The following CUBN variants were observed in gnomAD, a reference collection of about 807,000 sequenced individuals.
CUBN encodes cubilin.
A neutral mutation model predicts 405.3 loss-of-function variants in CUBN; 282 were observed. That is an observed-to-expected ratio of 0.70 (90% CI 0.63 to 0.77). The LOEUF (loss-of-function observed/expected upper bound fraction) is 0.77. CUBN is among the 30% of genes least tolerant of loss of function. The pLI is 0.00. For missense variants in CUBN, 4,514 were observed against 4,475.2 expected (o/e 1.01, Z -0.25); for synonymous variants, 1,684 against 1,617.0 (o/e 1.04, Z -0.99).
At chr10:16,988,088 G>A (rs531627325) in intron 29 of CUBN, among the ~76,000 whole-genome samples, 3 of 152,324 alleles carry the variant, frequency 2.0e-5, no homozygotes, top group South Asian at 4.1e-4. Context: ...CCCCAGGCCT[G>A]CTTGTAGGGA....
chr10:16,977,538 C>T (rs1833134887), intron 31 of CUBN, among the ~76,000 whole-genome samples: 1 of 152,180 alleles, frequency 6.6e-6, no homozygotes. Flanking sequence ...GCTCCCCATC[C>T]ATCCCACTGG....
chr10:16,885,892 A>G (rs1024340331), intron 56 of CUBN, among the ~76,000 whole-genome samples: 2 of 152,260 alleles, frequency 1.3e-5, no homozygotes, highest in Non-Finnish European at 2.9e-5. Flanking sequence ...TAAAAATAAC[A>G]TAAAAGCTAT....
At chr10:16,951,076 T>C (rs1453535184) in intron 33 of CUBN, among the ~76,000 whole-genome samples, 1 of 152,250 alleles carries the variant, frequency 6.6e-6, no homozygotes, top group Non-Finnish European at 1.5e-5. Context: ...ATCTTCAGAA[T>C]AGGATCTTTT....
chr10:17,031,990 G>A (rs190338442), intron 27 of CUBN, among the ~76,000 whole-genome samples: 1 of 152,186 alleles, frequency 6.6e-6, no homozygotes. Context: ...AGCCCTTATG[G>A]AGAAGTCCAT....
intron 17 of CUBN, among the ~76,000 whole-genome samples, chr10:17,076,857 C>T (rs1835865746): frequency 6.6e-6 from 1 of 152,196 alleles, no homozygotes; most frequent in Non-Finnish European, 1.5e-5. Context: ...GGATCCAAAA[C>T]TAACCTGCTA....
At chr10:16,850,944 G>A (rs1208399982) in intron 60 of CUBN, among the ~76,000 whole-genome samples, 2 of 152,166 alleles carry the variant, frequency 1.3e-5, no homozygotes, top group Non-Finnish European at 2.9e-5. Context: ...CCAGAAAACC[G>A]ACCTTCCTAT....
chr10:16,835,700 G>A (rs1310004098), intron 63 of CUBN, among the ~76,000 whole-genome samples: 1 of 149,834 alleles, frequency 6.7e-6, no homozygotes, highest in Non-Finnish European at 1.5e-5. Flanking sequence ...TTCAAAATAA[G>A]TACTAAATAA....
At chr10:17,065,702 C>T in intron 21 of CUBN, 64 bp from the exon 22 acceptor site, 1 of 1,593,832 alleles carries the variant, frequency 6.3e-7, no homozygotes, top group Non-Finnish European at 8.6e-7. Context: ...AATGATGTAA[C>T]AAAAATTTGG....
At chr10:16,839,266 G>T (rs1387635079) in intron 62 of CUBN, among the ~76,000 whole-genome samples, 1 of 152,134 alleles carries the variant, frequency 6.6e-6, no homozygotes, top group Admixed American at 6.5e-5. Context: ...GAGAGCTCTG[G>T]ACCTGCAGGA....
chr10:16,874,054 T>C (rs1486256477), intron 58 of CUBN, among the ~76,000 whole-genome samples: 7 of 152,230 alleles, frequency 4.6e-5, no homozygotes, highest in African/African-American at 1.7e-4. Flanking sequence ...TCTCTTGCCC[T>C]TCCTCTCTCC....
At position 16,925,409 on chromosome 10, in the gene CUBN, C is replaced by T; in HGVS notation, c.6478G>A (p.Asp2160Asn). ...GGTCCCAAGGGTGGAGAACAGATAT[C>T]AGGACCATTTCTTAGCTGGAAAGAC... is the stretch of plus-strand genomic sequence containing the variant. ...GDYLVLRNGPDICSPPLGPPG... is the reference protein window; with the variant it reads ...GDYLVLRNGPNICSPPLGPPG... Residue 2160 changes from aspartate (D) to asparagine (N), a missense_variant, in exon 43 of 67, where the codon GAT (aspartate) becomes AAT (asparagine). Physicochemically the swap from Asp to Asn is conservative, Grantham distance 23. Around this residue, in one of 5 missense-constraint regions of CUBN, gnomAD observed 1,613 missense variants for 1,542.8 expected, o/e 1.05. Transcript: ENST00000377833. 1.9e-6 allele frequency: 3 copies of T among 1,613,892 alleles called. No individual in the cohort carries two copies. The highest frequency in any genetic ancestry group is 1.7e-6 in the Non-Finnish European group (2 of 1,179,858).
chr10:16,907,994 G>A (rs949556534), intron 48 of CUBN, among the ~76,000 whole-genome samples: 1 of 152,140 alleles, frequency 6.6e-6, no homozygotes, highest in Non-Finnish European at 1.5e-5. Context: ...GAGCCATTGT[G>A]CTTACAATGT....
rs763373864 is a variant in CUBN at position 16,928,293 on chromosome 10, G to A, written c.6135C>T (p.Asn2045=). The A allele has an allele frequency of 3.9e-5, 63 of 1,613,732 alleles. No individual in the cohort carries two copies. Among genetic ancestry groups the A allele is most frequent in the Non-Finnish European group, 4.9e-5 (58 of 1,179,880 alleles). The change falls in exon 41 of 67, where the codon AAC becomes AAT. Residue 2045 remains asparagine (N), a synonymous_variant. Coordinates refer to ENST00000377833, the MANE Select transcript of CUBN (RefSeq NM_001081.4). ...DSLVIRDGDN[N]LAQQLAVLCG... The stretch of plus-strand genomic sequence containing the variant: ...AGAGAACTGCTAGCTGCTGGGCCAA[G>A]TTATTATCTCCTACGTTGAAAGAAA...
Position 16,915,102 on chromosome 10 carries a change from C to G in CUBN, c.7281G>C (p.Val2427=). 1 of 1,614,024 alleles carries G rather than the reference C, an allele frequency of 6.2e-7. No homozygotes were observed. Among genetic ancestry groups the G allele is most frequent in the Non-Finnish European group, 8.5e-7 (1 of 1,179,964 alleles). ...DSIDTSSNTA[V]VRFVTDGSVT... The stretch of plus-strand genomic sequence containing the variant: ...CAGAGCCGTCTGTGACAAACCTGAC[C>G]ACAGCAGTATTGCTAGAAGTGTCTA... Residue 2427 remains valine (V), a synonymous_variant, in exon 47 of 67, where the codon GTG becomes GTC. Transcript: ENST00000377833.
At chr10:16,995,760 T>G (rs1188920725) in intron 28 of CUBN, among the ~76,000 whole-genome samples, 1 of 152,230 alleles carries the variant, frequency 6.6e-6, no homozygotes, top group Non-Finnish European at 1.5e-5. Flanking sequence ...TTCATTAAGG[T>G]GCACAAAAAT....
At chr10:16,955,583 GA>G (rs1843038855) in intron 31 of CUBN, among the ~76,000 whole-genome samples, 2 of 152,010 alleles carry the variant, frequency 1.3e-5, no homozygotes, top group African/African-American at 4.8e-5. Flanking sequence ...TCAGTGTCTG[GA>G]TGAATTTTTG....
intron 31 of CUBN, among the ~76,000 whole-genome samples, chr10:16,971,073 G>A (rs746210782): frequency 7.7e-4 from 117 of 152,178 alleles, no homozygotes; most frequent in Non-Finnish European, 1.5e-3. Flanking sequence ...AATTTTCACT[G>A]GTATTTAAAG....
At chr10:17,021,673 T>C (rs1834505657) in intron 27 of CUBN, among the ~76,000 whole-genome samples, 2 of 152,266 alleles carry the variant, frequency 1.3e-5, no homozygotes, top group Admixed American at 1.3e-4. Flanking sequence ...CATGAAATAT[T>C]GTTTGAAACA....
In CUBN at chr10:16,963,187, CTT is replaced by C. The variant is rs1189695066; in HGVS notation, c.4696-8641_4696-8640del. ...ATACATTTCTTTTTTCTTTTCTTTT[CTT>C]TTTTTTCTTTTTTTTTTTTTTTTGA... On this transcript the variant is annotated intron_variant, in intron 31 of 66. Transcript: ENST00000377833. 1.8e-3 allele frequency among the ~76,000 whole-genome samples: 148 copies of C among 84,386 alleles called. 2 individuals carry two copies. Among genetic ancestry groups the C allele is most frequent in the African/African-American group, 7.1e-3 (147 of 20,672 alleles). The allele number at this position is 84,386 out of a possible 152,430, so 55.4% of individuals were successfully genotyped here.
Sources: gnomAD v4.1 joint callset for allele counts (sites outside exome capture counted in the v4.1 genomes callset) on GRCh38, gnomAD v4.1.1 for gene constraint, gnomAD v4.1.1 regional missense constraint, MANE v1.5 for transcripts, NCBI Gene and HGNC (gene_info 2026-07-23, HGNC 2026-07-21) for gene names.